The following RNLS variants were observed in gnomAD, a reference collection of about 807,000 sequenced individuals.
The protein encoded by RNLS is renalase.
Under a neutral mutation model 39.8 loss-of-function variants are expected in RNLS, and 39 were observed. The ratio of observed to expected loss-of-function variants is 0.98; its 90% CI spans 0.76 to 1.28. The LOEUF is 1.28. Among genes scored for constraint, RNLS ranks in the 50% most tolerant of loss-of-function variants. RNLS has a pLI of 0.00. For synonymous variants in RNLS, 147 were observed against 150.7 expected (o/e 0.98, Z 0.18); for missense variants, 410 against 413.3 (o/e 0.99, Z 0.07).
the RNLS span, among the ~76,000 whole-genome samples, chr10:88,177,774 T>C: frequency 6.6e-6 from 1 of 152,094 alleles, no homozygotes; most frequent in African/African-American, 2.4e-5. Flanking sequence ...ATAGTGTAGG[T>C]TGGGTAGGTT....
intron 4 of RNLS, among the ~76,000 whole-genome samples, chr10:88,421,916 GC>G (rs1854433453): frequency 6.6e-6 from 1 of 151,908 alleles, no homozygotes; most frequent in Non-Finnish European, 1.5e-5. Context: ...CCCACACATC[GC>G]TTTCCTCTTT....
At chr10:88,176,161 G>T in the RNLS span, among the ~76,000 whole-genome samples, 1 of 146,690 alleles carries the variant, frequency 6.8e-6, no homozygotes, top group Admixed American at 7.1e-5. Flanking sequence ...CATTTAGGCA[G>T]CCTTAGCCTA....
chr10:88,321,674 T>C (rs1045279496), intron 5 of RNLS, among the ~76,000 whole-genome samples: 1 of 152,078 alleles, frequency 6.6e-6, no homozygotes, highest in African/African-American at 2.4e-5. Context: ...AATATCTCTA[T>C]GCACACCACC....
At chr10:88,489,702 C>G (rs1398942003) in intron 4 of RNLS, among the ~76,000 whole-genome samples, 2 of 152,188 alleles carry the variant, frequency 1.3e-5, no homozygotes, top group African/African-American at 4.8e-5. Flanking sequence ...CAGAGACGCA[C>G]ATGTCAGCTA....
chr10:88,244,432 A>G, the RNLS span, among the ~76,000 whole-genome samples: 1 of 152,228 alleles, frequency 6.6e-6, no homozygotes, highest in African/African-American at 2.4e-5. Context: ...CAGGAAGAGT[A>G]GCAGTAACCG....
chr10:88,370,135 G>A (rs1850435374), intron 4 of RNLS, among the ~76,000 whole-genome samples: 1 of 152,162 alleles, frequency 6.6e-6, no homozygotes, highest in African/African-American at 2.4e-5. Context: ...TCAGGCAGTA[G>A]TAGAGATCAA....
chr10:88,499,474 T>C (rs146521901), intron 4 of RNLS, among the ~76,000 whole-genome samples: 6 of 152,266 alleles, frequency 3.9e-5, no homozygotes, highest in African/African-American at 1.4e-4. Flanking sequence ...AGATAATATG[T>C]TAGAAGTTCT....
chr10:88,235,267 CAAAAA>C, the RNLS span, among the ~76,000 whole-genome samples: 7 of 61,956 alleles, frequency 1.1e-4, no homozygotes, highest in South Asian at 8.4e-4. Context: ...GACTCTATCT[CAAAAA>C]AAAAAAAAAA....
chr10:88,357,559 G>T (rs1849285205), intron 5 of RNLS, among the ~76,000 whole-genome samples: 1 of 152,114 alleles, frequency 6.6e-6, no homozygotes, highest in African/African-American at 2.4e-5. Flanking sequence ...ATTCACACAG[G>T]TATAATCTGT....
rs532229336 is a variant in RNLS, at chr10:88,392,830, T to C, written c.527-30105A>G. Among the ~76,000 whole-genome samples, 27 of 152,258 alleles carry C rather than the reference T, an allele frequency of 1.8e-4. 1 individual carries two copies. The South Asian group carries it at 5.4e-3, about 30-fold the overall frequency. On this transcript the variant is annotated intron_variant, in intron 4 of 6. Transcript: ENST00000331772. ...TGTCTCTCAGGCACATCAAAAAGCTTATCCACCATGATCAAGTGGGCTTCA... is the reference window on the plus strand; with the variant it reads ...TGTCTCTCAGGCACATCAAAAAGCTCATCCACCATGATCAAGTGGGCTTCA...
At chr10:88,271,919 T>G (rs1842660653), downstream of RNLS, among the ~76,000 whole-genome samples, 2 of 152,202 alleles carry the variant, frequency 1.3e-5, no homozygotes. Context: ...ACAGATAGTG[T>G]GCAGTGCTCT....
At chr10:88,504,183 T>C (rs562079671) in intron 4 of RNLS, among the ~76,000 whole-genome samples, 1 of 152,098 alleles carries the variant, frequency 6.6e-6, no homozygotes, top group Non-Finnish European at 1.5e-5. Flanking sequence ...GCTACTTAGA[T>C]TACTTATAAC....
At chr10:88,421,455 AG>A (rs746822379) in intron 4 of RNLS, among the ~76,000 whole-genome samples, 15 of 152,178 alleles carry the variant, frequency 9.9e-5, no homozygotes, top group Admixed American at 7.2e-4. Context: ...TCCCTCATGC[AG>A]TCACTCTGTA....
intron 4 of RNLS, among the ~76,000 whole-genome samples, chr10:88,488,546 C>CAAA (rs3033822): frequency 3.3e-4 from 26 of 78,944 alleles, no homozygotes; most frequent in Admixed American, 4.5e-4. Context: ...AACTCCGTCT[C>CAAA]AAAAAAAAAA....
At chr10:88,440,459 C>A (rs1025568180) in intron 4 of RNLS, among the ~76,000 whole-genome samples, 1 of 152,214 alleles carries the variant, frequency 6.6e-6, no homozygotes, top group African/African-American at 2.4e-5. Flanking sequence ...GTGCTACTCA[C>A]TTTGACTTAA....
At chr10:88,229,579 C>G in the RNLS span, among the ~76,000 whole-genome samples, 19 of 152,310 alleles carry the variant, frequency 1.2e-4, no homozygotes, top group Middle Eastern at 3.4e-3. Context: ...TTTAGTACAT[C>G]CACAGAATTG....
chr10:88,455,280 G>C (rs1354065716), intron 4 of RNLS, among the ~76,000 whole-genome samples: 1 of 151,920 alleles, frequency 6.6e-6, no homozygotes, highest in Non-Finnish European at 1.5e-5. Context: ...AAAATCAATT[G>C]CTTTCTAGAA....
intron 4 of RNLS, among the ~76,000 whole-genome samples, chr10:88,566,997 A>G (rs1481690818): frequency 6.6e-6 from 1 of 152,154 alleles, no homozygotes; most frequent in East Asian, 1.9e-4. Context: ...GGTTTAGAGG[A>G]AAAAGCATAC....
intron 4 of RNLS, among the ~76,000 whole-genome samples, chr10:88,536,025 A>G (rs977662581): frequency 1.2e-4 from 19 of 152,172 alleles, no homozygotes; most frequent in African/African-American, 4.6e-4. Context: ...TCTAGAGGTG[A>G]TAAGGAGCAT....
Sources: allele counts gnomAD v4.1 joint callset (sites outside exome capture counted in the v4.1 genomes callset), GRCh38; gene constraint gnomAD v4.1.1; transcripts MANE v1.5; gene names NCBI Gene and HGNC (gene_info 2026-07-23, HGNC 2026-07-21).